ADARB2: variants seen among roughly 807,000 people sequenced by gnomAD.
ADARB2 encodes adenosine deaminase RNA specific B2 (inactive).
In ADARB2, 25 loss-of-function variants were observed where a neutral mutation model predicts 62.2. The observed-to-expected ratio is 0.40, with a 90% CI of 0.29 to 0.56. ADARB2 has a LOEUF of 0.56. ADARB2 is among the 20% of genes least tolerant of loss of function. ADARB2 has a pLI of 0.43. For missense variants in ADARB2, 1,071 were observed against 1,077.4 expected (o/e 0.99, Z 0.08); for synonymous variants, 572 against 500.8 (o/e 1.14, Z -1.90).
chr10:1,718,238 T>C (rs1253419012), intron 1 of ADARB2, among the ~76,000 whole-genome samples: 2 of 152,144 alleles, frequency 1.3e-5, no homozygotes, highest in African/African-American at 4.8e-5. Context: ...GGGAAACTTA[T>C]ATTTGGTCGT....
chr10:1,736,840 G>A (rs1277864280), intron 1 of ADARB2, among the ~76,000 whole-genome samples: 1 of 152,192 alleles, frequency 6.6e-6, no homozygotes, highest in African/African-American at 2.4e-5. Flanking sequence ...ATGTCGCAGC[G>A]TGGCTGCTCA....
chr10:1,202,111 T>TG (rs1836994636), intron 7 of ADARB2, among the ~76,000 whole-genome samples: 1 of 80,098 alleles, frequency 1.2e-5, no homozygotes, highest in South Asian at 1.5e-3. Flanking sequence ...TTGTTTGTTT[T>TG]GTTTTTTTTT....
chr10:1,727,447 A>G (rs1471454765), intron 1 of ADARB2, among the ~76,000 whole-genome samples: 2 of 152,116 alleles, frequency 1.3e-5, no homozygotes, highest in Non-Finnish European at 2.9e-5. Flanking sequence ...TCCCCCGAAA[A>G]TGTTCCCCTC....
intron 1 of ADARB2, among the ~76,000 whole-genome samples, chr10:1,421,241 G>T (rs925938052): frequency 2.6e-5 from 4 of 151,736 alleles, no homozygotes; most frequent in Non-Finnish European, 5.9e-5. Flanking sequence ...CCTGCCCGTC[G>T]GTTCCATAGT....
intron 1 of ADARB2, among the ~76,000 whole-genome samples, chr10:1,564,343 T>G (rs539181567): frequency 1.4e-4 from 22 of 152,328 alleles, no homozygotes; most frequent in Non-Finnish European, 2.8e-4. Context: ...TCAGGACATA[T>G]GCATGGGCAA....
rs1836659387 is a variant in ADARB2, at chr10:1,180,584, G to GT, written c.*2608dup. On this transcript the variant is annotated 3_prime_UTR_variant, in exon 10 of 10. Coordinates refer to ENST00000381312, the MANE Select transcript of ADARB2 (RefSeq NM_018702.4). ...TGATCTGGTGTGGCGTGCCTCCTGC[G>GT]TGTAGGGTCACCCTTGACTGCCTCG... is the stretch of plus-strand genomic sequence containing the variant. The GT allele has an allele frequency of 6.6e-6, 1 of 152,630 alleles. No homozygotes were observed. Among genetic ancestry groups the GT allele is most frequent in the South Asian group, 2.1e-4 (1 of 4,842 alleles). 9.5% of individuals were successfully genotyped at this position (152,630 alleles called of 1,614,324 possible).
At chr10:1,408,566 G>C (rs781349804) in intron 1 of ADARB2, among the ~76,000 whole-genome samples, 1 of 152,138 alleles carries the variant, frequency 6.6e-6, no homozygotes, top group African/African-American at 2.4e-5. Flanking sequence ...CACCCGTCCA[G>C]CATGAATATG....
intron 3 of ADARB2, among the ~76,000 whole-genome samples, chr10:1,271,692 T>C (rs1831264953): frequency 6.6e-6 from 1 of 152,044 alleles, no homozygotes; most frequent in African/African-American, 2.4e-5. Flanking sequence ...CTTAACATAA[T>C]CTGATTAGTG....
At chr10:1,286,299 T>C (rs995249382) in intron 3 of ADARB2, among the ~76,000 whole-genome samples, 2 of 152,120 alleles carry the variant, frequency 1.3e-5, no homozygotes, top group African/African-American at 4.8e-5. Context: ...TCAGAGAAAA[T>C]GGAAGATGAT....
intron 1 of ADARB2, among the ~76,000 whole-genome samples, chr10:1,552,470 C>G (rs926177280): frequency 6.6e-6 from 1 of 152,232 alleles, no homozygotes; most frequent in Non-Finnish European, 1.5e-5. Context: ...TGTGTTCACC[C>G]CACAGTGGCT....
rs1458776454 is a variant in ADARB2 at position 1,549,063 on chromosome 10, G to A, written c.101-169903C>T. 2.0e-5 allele frequency among the ~76,000 whole-genome samples: 3 copies of A among 152,204 alleles called. No homozygotes were observed. In the East Asian group the frequency reaches 5.8e-4, roughly 29 times the overall value. ...AGAGAGGGAGAATCTGAAGACGTCT[G>A]AGGGGAACTGCAGCCGGGTTTCAGT... On this transcript the variant is annotated intron_variant, in intron 1 of 9. Transcript: ENST00000381312.
In ADARB2 at chr10:1,618,327, T is replaced by A. The variant is rs563483422; in HGVS notation, c.100+118724A>T. ...ACAACCCCAAATTATAACTGTTTAG[T>A]GGATATTGTAAAAGTATGTATAGCT... On this transcript the variant is annotated intron_variant, in intron 1 of 9. Coordinates refer to ENST00000381312, the MANE Select transcript of ADARB2 (RefSeq NM_018702.4). Among the ~76,000 whole-genome samples the A allele has an allele frequency of 2.6e-5, 4 of 152,332 alleles. No homozygotes were observed. In the South Asian group the frequency reaches 8.3e-4, roughly 32 times the overall value.
At chr10:1,575,245 T>TA (rs78589386) in intron 1 of ADARB2, among the ~76,000 whole-genome samples, 90,434 of 151,522 alleles carry the variant, frequency 0.6, 27,234 homozygotes, top group Non-Finnish European at 0.63. Flanking sequence ...TTTTGTTTCT[T>TA]AAAAAAAAAT....
intron 1 of ADARB2, among the ~76,000 whole-genome samples, chr10:1,651,090 G>A (rs988380470): frequency 6.6e-6 from 1 of 152,220 alleles, no homozygotes; most frequent in African/African-American, 2.4e-5. Flanking sequence ...CCCGGCTTCT[G>A]TGTGGCTTTG....
At chr10:1,293,009 A>AGAGAGGGAGAGGGAGGGAAGGAGC (rs1831483397) in intron 3 of ADARB2, 1 of 38,670 alleles carries the variant, frequency 2.6e-5, no homozygotes, top group African/African-American at 8.9e-5. Context: ...AGGGAAGGAG[A>AGAGAGGGAGAGGGAGGGAAGGAGC]GAGGGAGGGG....
chr10:1,644,872 T>C (rs1834019489), intron 1 of ADARB2, among the ~76,000 whole-genome samples: 3 of 152,230 alleles, frequency 2.0e-5, no homozygotes, highest in Admixed American at 2.0e-4. Flanking sequence ...CACTCTCAAA[T>C]AGTGATGGCT....
At chr10:1,569,380 C>A (rs1473942039) in intron 1 of ADARB2, among the ~76,000 whole-genome samples, 1 of 152,220 alleles carries the variant, frequency 6.6e-6, no homozygotes, top group Non-Finnish European at 1.5e-5. Context: ...CAGCCTGTGT[C>A]ATGAACCCCC....
At chr10:1,360,666 G>A (rs1181893940) in intron 3 of ADARB2, among the ~76,000 whole-genome samples, 3 of 152,214 alleles carry the variant, frequency 2.0e-5, no homozygotes, top group Admixed American at 6.5e-5. Flanking sequence ...GGAGCGGTAC[G>A]AGGGAGGGTA....
chr10:1,295,883 C>A (rs972522253), intron 3 of ADARB2, among the ~76,000 whole-genome samples: 10 of 152,170 alleles, frequency 6.6e-5, no homozygotes, highest in Non-Finnish European at 2.9e-5. Flanking sequence ...ATGTGTGGTG[C>A]AGCAGTAAGC....
Sources: allele counts gnomAD v4.1 joint callset (sites outside exome capture counted in the v4.1 genomes callset), GRCh38; gene constraint gnomAD v4.1.1; transcripts MANE v1.5; gene names NCBI Gene and HGNC (gene_info 2026-07-23, HGNC 2026-07-21).